Variants in SNX18 observed in about 807,000 individuals in gnomAD.
The protein encoded by SNX18 is sorting nexin 18.
Under a neutral mutation model 48.7 loss-of-function variants are expected in SNX18, and 35 were observed. The ratio of observed to expected loss-of-function variants is 0.72; its 90% CI spans 0.55 to 0.95. SNX18 has a LOEUF of 0.95. Ranked by LOEUF, SNX18 falls within the 40% of genes least tolerant of loss-of-function variation. The probability of loss-of-function intolerance (pLI) is 0.00; values close to 1 mark genes in which losing one functional copy is unlikely to be tolerated. For missense variants in SNX18, 824 were observed against 871.0 expected (o/e 0.95, Z 0.68); for synonymous variants, 492 against 384.7 (o/e 1.28, Z -3.26).
chr5:54,573,727 C>T, the SNX18 span, among the ~76,000 whole-genome samples: 1 of 152,116 alleles, frequency 6.6e-6, no homozygotes, highest in Non-Finnish European at 1.5e-5. Flanking sequence ...TTCTGAAAAG[C>T]CACACTTCAG....
the SNX18 span, among the ~76,000 whole-genome samples, chr5:54,616,275 G>A: frequency 0.73 from 111,741 of 152,060 alleles, 41,822 homozygotes; most frequent in African/African-American, 0.88. Context: ...GCAATCATCC[G>A]CACATGACCT....
At chr5:54,570,698 C>G in the SNX18 span, among the ~76,000 whole-genome samples, 1 of 152,124 alleles carries the variant, frequency 6.6e-6, no homozygotes, top group Non-Finnish European at 1.5e-5. Flanking sequence ...GCCAGAGTAT[C>G]AGAACATACA....
the SNX18 span, among the ~76,000 whole-genome samples, chr5:54,615,396 C>T: frequency 6.6e-6 from 1 of 151,992 alleles, no homozygotes; most frequent in Non-Finnish European, 1.5e-5. Context: ...GCTGGGTGTA[C>T]CCCAAGTCTG....
chr5:54,544,278 AG>A lies in SNX18; in HGVS notation c.*848del, dbSNP rs1346016078. ...AAACATGTCTTACAACATGAGGAGGAGGAGTCTAAATCAGTCAGGGGATAAA... is the reference window on the plus strand; with the variant it reads ...AAACATGTCTTACAACATGAGGAGGAGAGTCTAAATCAGTCAGGGGATAAA... On this transcript the variant is annotated 3_prime_UTR_variant, in exon 2 of 2. Coordinates refer to ENST00000381410, the MANE Select transcript of SNX18 (RefSeq NM_001102575.2). 2 of 152,180 alleles carry A rather than the reference AG, an allele frequency of 1.3e-5. No individual in the cohort carries two copies. Among genetic ancestry groups the A allele is most frequent in the African/African-American group, 4.8e-5 (2 of 41,450 alleles). 9.4% of individuals were successfully genotyped at this position (152,180 alleles called of 1,614,324 possible).
chr5:54,646,486 G>C, the SNX18 span, among the ~76,000 whole-genome samples: 2 of 152,224 alleles, frequency 1.3e-5, no homozygotes, highest in African/African-American at 4.8e-5. Flanking sequence ...GCCGCATTGC[G>C]GGGGAGACAG....
the SNX18 span, among the ~76,000 whole-genome samples, chr5:54,607,297 C>T: frequency 6.6e-6 from 1 of 152,170 alleles, no homozygotes; most frequent in Non-Finnish European, 1.5e-5. Context: ...GCCCCACTCC[C>T]CAACGCCTAA....
chr5:54,551,746 C>T, the SNX18 span, among the ~76,000 whole-genome samples: 4 of 152,166 alleles, frequency 2.6e-5, no homozygotes, highest in Non-Finnish European at 5.9e-5. Context: ...GGCAAACATA[C>T]AAGCCCTGAT....
chr5:54,539,914 C>T (rs766156808), intron 1 of SNX18, among the ~76,000 whole-genome samples: 10 of 151,764 alleles, frequency 6.6e-5, no homozygotes, highest in East Asian at 1.9e-4. Flanking sequence ...TCTTGTTGCC[C>T]GGGCTGGAGT....
downstream of SNX18, among the ~76,000 whole-genome samples, chr5:54,549,159 A>G (rs78775904): frequency 3.7e-3 from 569 of 152,302 alleles, 3 homozygotes; most frequent in African/African-American, 0.013. Context: ...TTGTGGACAT[A>G]TTGTGAGAAA....
At chr5:54,601,242 G>GC in the SNX18 span, among the ~76,000 whole-genome samples, 136,651 of 151,900 alleles carry the variant, frequency 0.9, 62,454 homozygotes, top group South Asian at 0.98. Context: ...ACAAATCATG[G>GC]ATTTTTGTAG....
rs930023755 is a variant in SNX18 at position 54,544,040 on chromosome 5, G to T, written c.*608G>T. The T allele has an allele frequency of 6.6e-6, 1 of 150,424 alleles. No individual in the cohort carries two copies. The highest frequency in any genetic ancestry group is 6.6e-5 in the Admixed American group (1 of 15,068). The allele number at this position is 150,424 out of a possible 1,614,324, so 9.3% of individuals were successfully genotyped here. A position where few individuals can be genotyped will look rare whatever the true frequency, so the allele number is the denominator to read the frequency against. ...TTATATTGGCAGTAGGGGGTGGGGG[G>T]GGCGGTGGGGTGGGACGATCAGCTG... On this transcript the variant is annotated 3_prime_UTR_variant, in exon 2 of 2. Transcript: ENST00000381410.
At chr5:54,593,676 G>A in the SNX18 span, among the ~76,000 whole-genome samples, 6 of 152,228 alleles carry the variant, frequency 3.9e-5, no homozygotes, top group Non-Finnish European at 8.8e-5. Context: ...AGAGTGTGGT[G>A]TTGGTGAAAG....
chr5:54,572,240 T>C, the SNX18 span, among the ~76,000 whole-genome samples: 5 of 152,262 alleles, frequency 3.3e-5, no homozygotes, highest in East Asian at 9.7e-4. Context: ...CTCTATCCTT[T>C]TCTGTCTTTT....
chr5:54,565,269 C>T, the SNX18 span, among the ~76,000 whole-genome samples: 2 of 152,202 alleles, frequency 1.3e-5, no homozygotes, highest in South Asian at 2.1e-4. Flanking sequence ...CTCCCACTCA[C>T]AGTAATTCTG....
At chr5:54,632,977 G>A in the SNX18 span, among the ~76,000 whole-genome samples, 593 of 152,108 alleles carry the variant, frequency 3.9e-3, 8 homozygotes, top group African/African-American at 0.014. Flanking sequence ...GTTTCTCCAA[G>A]TTGGCCAGGA....
the SNX18 span, among the ~76,000 whole-genome samples, chr5:54,553,901 A>G: frequency 1.3e-5 from 2 of 152,272 alleles, no homozygotes; most frequent in Admixed American, 1.3e-4. Flanking sequence ...ATAACTGCCC[A>G]GTCAGGGTGC....
At chr5:54,547,505 T>C (rs16883014), downstream of SNX18, among the ~76,000 whole-genome samples, 38,543 of 152,128 alleles carry the variant, frequency 0.25, 5,297 homozygotes, top group Non-Finnish European at 0.3. Flanking sequence ...ACTCCTGGAA[T>C]GATAGAGATT....
chr5:54,525,357 A>G (rs1335908239), intron 1 of SNX18, among the ~76,000 whole-genome samples: 1 of 150,840 alleles, frequency 6.6e-6, no homozygotes, highest in Non-Finnish European at 1.5e-5. Context: ...CCAGAGCAAC[A>G]CAGTGAGACC....
chr5:54,519,001 C>T lies in SNX18; in HGVS notation c.1049C>T (p.Ser350Phe). The change falls in exon 1 of 2, where the codon TCT (serine) becomes TTT (phenylalanine). Residue 350 changes from serine (S) to phenylalanine (F), a missense_variant. This residue lies in a region of SNX18 where 443 missense variants were observed against 503.6 expected (regional missense o/e 0.88). Coordinates refer to ENST00000381410, the MANE Select transcript of SNX18 (RefSeq NM_001102575.2). ...GGCCGCTTCGAGGAGGACTTCATCTCTAAGCGCAGGAAGGGCCTGATCTGG... is the reference window on the plus strand; with the variant it reads ...GGCCGCTTCGAGGAGGACTTCATCTTTAAGCGCAGGAAGGGCCTGATCTGG... ...ATGRFEEDFI[S>F]KRRKGLIWWM... 1 of 1,613,582 alleles carries T rather than the reference C, an allele frequency of 6.2e-7. No individual in the cohort carries two copies. The highest frequency in any genetic ancestry group is 8.5e-7 in the Non-Finnish European group (1 of 1,179,852).
Sources: allele counts gnomAD v4.1 joint callset (sites outside exome capture counted in the v4.1 genomes callset), GRCh38; gene constraint gnomAD v4.1.1; regional missense constraint gnomAD v4.1.1; transcripts MANE v1.5; gene names NCBI Gene and HGNC (gene_info 2026-07-23, HGNC 2026-07-21).